Variants in MECOM observed in about 807,000 individuals in gnomAD.
MECOM encodes MDS1 and EVI1 complex locus.
In MECOM, 13 loss-of-function variants were observed where a neutral mutation model predicts 116.3. That is an observed-to-expected ratio of 0.11 (90% confidence interval 0.07 to 0.18). The LOEUF is 0.18. Among genes scored for constraint, MECOM ranks in the 10% least tolerant of loss-of-function variants. The pLI is 1.00. For missense variants in MECOM, 1,299 were observed against 1,509.0 expected (o/e 0.86, Z 2.31); for synonymous variants, 528 against 535.2 (o/e 0.99, Z 0.19).
At chr3:169,281,109 C>T (rs1347142221) in intron 2 of MECOM, among the ~76,000 whole-genome samples, 2 of 152,168 alleles carry the variant, frequency 1.3e-5, no homozygotes, top group African/African-American at 4.8e-5. Context: ...AATGTTGCCA[C>T]TCAAAGTGTG....
intron 1 of MECOM, among the ~76,000 whole-genome samples, chr3:169,506,466 CT>C (rs59006044): frequency 1.4e-4 from 20 of 147,736 alleles, no homozygotes; most frequent in African/African-American, 2.5e-4. Flanking sequence ...GGTGAGTACT[CT>C]TTTTTTTTTA....
intron 2 of MECOM, among the ~76,000 whole-genome samples, chr3:169,211,813 C>T (rs563659921): frequency 6.6e-6 from 1 of 152,220 alleles, no homozygotes; most frequent in East Asian, 1.9e-4. Context: ...AAGTCCAGAC[C>T]TTTGTATCCA....
intron 2 of MECOM, among the ~76,000 whole-genome samples, chr3:169,342,647 G>A (rs1346773292): frequency 1.3e-5 from 2 of 152,068 alleles, no homozygotes; most frequent in Non-Finnish European, 2.9e-5. Context: ...AAAACAGAAG[G>A]TTTCCTCTAA....
chr3:169,154,343 A>G (rs1203552158), intron 2 of MECOM, among the ~76,000 whole-genome samples: 3 of 152,156 alleles, frequency 2.0e-5, no homozygotes, highest in Non-Finnish European at 4.4e-5. Context: ...GAGGGCAGGA[A>G]TTGGGTCTAT....
chr3:169,239,823 C>A (rs1251487932), intron 2 of MECOM, among the ~76,000 whole-genome samples: 1 of 152,030 alleles, frequency 6.6e-6, no homozygotes, highest in Non-Finnish European at 1.5e-5. Context: ...AACTTTGAGG[C>A]GAAATAGGAC....
At chr3:169,276,629 G>C (rs1759615816) in intron 2 of MECOM, among the ~76,000 whole-genome samples, 1 of 149,546 alleles carries the variant, frequency 6.7e-6, no homozygotes, top group South Asian at 2.1e-4. Context: ...CTCAATCTAT[G>C]TCTGCTCCCT....
intron 2 of MECOM, among the ~76,000 whole-genome samples, chr3:169,281,022 T>C (rs975549560): frequency 2.9e-4 from 44 of 152,234 alleles, no homozygotes; most frequent in African/African-American, 1.0e-3. Flanking sequence ...TGGCTTGGAA[T>C]GTCCTAAACA....
intron 1 of MECOM, among the ~76,000 whole-genome samples, chr3:169,647,695 A>G (rs796889309): frequency 2.0e-5 from 3 of 152,330 alleles, no homozygotes; most frequent in African/African-American, 7.2e-5. Flanking sequence ...GTTTCTAATA[A>G]GAAATTCTGT....
At chr3:169,661,259 T>A (rs1776243463) in intron 1 of MECOM, among the ~76,000 whole-genome samples, 1 of 151,958 alleles carries the variant, frequency 6.6e-6, no homozygotes, top group South Asian at 2.1e-4. Flanking sequence ...TTAGGCATGG[T>A]TGAAAAGGGC....
chr3:169,630,913 T>C (rs1772002919), intron 1 of MECOM, among the ~76,000 whole-genome samples: 1 of 152,218 alleles, frequency 6.6e-6, no homozygotes, highest in East Asian at 1.9e-4. Flanking sequence ...CGTGAGCCAC[T>C]CTGCCCAGCC....
chr3:169,645,337 A>G (rs1434474423), intron 1 of MECOM, among the ~76,000 whole-genome samples: 4 of 152,136 alleles, frequency 2.6e-5, no homozygotes, highest in African/African-American at 9.7e-5. Context: ...CTTCTGTAGA[A>G]TTCCCATTGC....
intron 1 of MECOM, among the ~76,000 whole-genome samples, chr3:169,456,090 C>T (rs933900035): frequency 1.3e-5 from 2 of 152,140 alleles, no homozygotes; most frequent in Admixed American, 6.5e-5. Flanking sequence ...TTTCCACCTT[C>T]TTGGAAATTT....
intron 1 of MECOM, among the ~76,000 whole-genome samples, chr3:169,661,428 A>C (rs1776271858): frequency 6.6e-6 from 1 of 152,160 alleles, no homozygotes; most frequent in Non-Finnish European, 1.5e-5. Context: ...GCCTCATTTA[A>C]AAGCAAACAG....
intron 16 of MECOM, 116 bp downstream of exon 16, chr3:169,088,884 C>T (rs1261567584): frequency 2.3e-5 from 21 of 924,668 alleles, no homozygotes; most frequent in East Asian, 1.7e-4. Context: ...AGGCATCTGA[C>T]CCCATTTGGA....
At chr3:169,405,477 GT>G (rs1165212150) in intron 1 of MECOM, among the ~76,000 whole-genome samples, 1 of 152,090 alleles carries the variant, frequency 6.6e-6, no homozygotes, top group South Asian at 2.1e-4. Context: ...TTACTGAGAT[GT>G]TTTTTTGCCA....
At chr3:169,101,528 C>T (rs1030843173) in intron 11 of MECOM, among the ~76,000 whole-genome samples, 7 of 151,852 alleles carry the variant, frequency 4.6e-5, no homozygotes, top group Middle Eastern at 3.5e-3. Flanking sequence ...AATACCTACA[C>T]ATTTCTAAAG....
At chr3:169,414,587 C>T (rs556186880) in intron 1 of MECOM, among the ~76,000 whole-genome samples, 1 of 152,246 alleles carries the variant, frequency 6.6e-6, no homozygotes, top group African/African-American at 2.4e-5. Flanking sequence ...CAAACTCCTC[C>T]AAGCTAAAGG....
At chr3:169,489,129 AG>A (rs1160963942) in intron 1 of MECOM, among the ~76,000 whole-genome samples, 1 of 152,188 alleles carries the variant, frequency 6.6e-6, no homozygotes, top group Non-Finnish European at 1.5e-5. Flanking sequence ...TTGAAAACCC[AG>A]ACAAAAGAAT....
chr3:169,635,594 T>A (rs1255882606), intron 1 of MECOM, among the ~76,000 whole-genome samples: 1 of 152,244 alleles, frequency 6.6e-6, no homozygotes, highest in African/African-American at 2.4e-5. Context: ...AGTGAATCCA[T>A]CTTTCAAGAC....
Sources: allele counts gnomAD v4.1 joint callset (sites outside exome capture counted in the v4.1 genomes callset), GRCh38; gene constraint gnomAD v4.1.1; transcripts MANE v1.5; gene names NCBI Gene and HGNC (gene_info 2026-07-23, HGNC 2026-07-21).